The following AKR1C4 variants were observed in gnomAD, a reference collection of about 807,000 sequenced individuals.
The protein encoded by AKR1C4 is aldo-keto reductase family 1 member C4.
Under a neutral mutation model 41.0 loss-of-function variants are expected in AKR1C4, and 44 were observed. That is an observed-to-expected ratio of 1.07 (90% CI 0.84 to 1.38). The LOEUF is 1.38. Among genes scored for constraint, AKR1C4 ranks in the 40% most tolerant of loss-of-function variants. The pLI, the probability that AKR1C4 is intolerant of heterozygous loss-of-function variation, is 0.00. For missense variants in AKR1C4, 438 were observed against 387.9 expected, an observed-to-expected ratio of 1.13 and a Z score of -1.09; for synonymous variants, 165 against 137.7, an observed-to-expected ratio of 1.20 and a Z score of -1.39.
intron 8 of AKR1C4, among the ~76,000 whole-genome samples, chr10:5,218,508 G>A (rs928018488): frequency 6.7e-6 from 1 of 148,552 alleles, no homozygotes; most frequent in Non-Finnish European, 1.5e-5. Context: ...TAAATTCCAG[G>A]CAAGGGAATA....
Position 5,208,908 on chromosome 10 carries a change from C to CAA in AKR1C4, c.570+2520_570+2521dup, listed in dbSNP as rs35154936. 3.5e-3 allele frequency among the ~76,000 whole-genome samples: 518 copies of CAA among 147,830 alleles called. 26 individuals are homozygous for CAA. Among genetic ancestry groups the CAA allele is most frequent in the African/African-American group, 0.01 (410 of 39,246 alleles). The stretch of plus-strand genomic sequence containing the variant: ...AAAAGATGTATCATGAAAACAAAAA[C>CAA]AAAAAAAAAACATCCAATTGTGACT... On this transcript the variant is annotated intron_variant, in intron 5 of 8. Transcript: ENST00000263126.
At chr10:5,204,302 A>G in intron 2 of AKR1C4, 75 bp from the exon 3 acceptor site, 2 of 1,171,766 alleles carry the variant, frequency 1.7e-6, no homozygotes, top group South Asian at 2.7e-5. Flanking sequence ...AAAAATGTCT[A>G]AATATTAGGT....
chr10:5,217,113 A>G (rs782556323), intron 8 of AKR1C4, among the ~76,000 whole-genome samples: 1 of 152,254 alleles, frequency 6.6e-6, no homozygotes, highest in Non-Finnish European at 1.5e-5. Flanking sequence ...TGGACAGTAG[A>G]TATTGCCCAT....
In AKR1C4 at chr10:5,213,957, A is replaced by G. The variant is rs538965367; in HGVS notation, c.846+798A>G. Among the ~76,000 whole-genome samples, 16 of 152,006 alleles carry G rather than the reference A, an allele frequency of 1.1e-4. 1 individual carries two copies. Among genetic ancestry groups the G allele is most frequent in the South Asian group, 8.3e-4 (4 of 4,800 alleles). Reference sequence around the variant, plus strand: ...TTAATGTAGTCAAATTCTTTATGACATTTTCTCGTGGTTGCTAATATCATG... The same window carrying G: ...TTAATGTAGTCAAATTCTTTATGACGTTTTCTCGTGGTTGCTAATATCATG... On this transcript the variant is annotated intron_variant, in intron 7 of 8. Transcript: ENST00000263126.
rs531429923 is a variant in AKR1C4, at chr10:5,214,802, T to A, written c.846+1643T>A. Among the ~76,000 whole-genome samples, 68 of 152,306 alleles carry A rather than the reference T, an allele frequency of 4.5e-4. 1 individual carries two copies. Among genetic ancestry groups the A allele is most frequent in the African/African-American group, 1.6e-3 (67 of 41,580 alleles). On this transcript the variant is annotated intron_variant, in intron 7 of 8. Coordinates refer to ENST00000263126, the MANE Select transcript of AKR1C4 (RefSeq NM_001818.5). ...TATTCTTTTCCTCTCATTCTCTGTA[T>A]CATTAGAGTATTCCATTAAAATTTA... is the stretch of plus-strand genomic sequence containing the variant.
At chr10:5,212,519 C>A in intron 5 of AKR1C4, 97 bp from the exon 6 acceptor site, 1 of 1,118,966 alleles carries the variant, frequency 8.9e-7, no homozygotes, top group South Asian at 1.9e-5. Context: ...ATATTCTGTT[C>A]AAATTTAATG....
At chr10:5,201,678 C>A (rs1832402112) in intron 2 of AKR1C4, among the ~76,000 whole-genome samples, 1 of 152,110 alleles carries the variant, frequency 6.6e-6, no homozygotes, top group African/African-American at 2.4e-5. Flanking sequence ...TTGGCTGAGG[C>A]CAATGTACAG....
At chr10:5,206,898 C>A (rs1168658070) in intron 5 of AKR1C4, among the ~76,000 whole-genome samples, 1 of 152,082 alleles carries the variant, frequency 6.6e-6, no homozygotes, top group Non-Finnish European at 1.5e-5. Context: ...AGTTCTTGAG[C>A]AGGTACTAAA....
rs782331883 is a variant in AKR1C4 at position 5,210,067 on chromosome 10, C to T, written c.571-2549C>T. On this transcript the variant is annotated intron_variant, in intron 5 of 8. Coordinates refer to ENST00000263126, the MANE Select transcript of AKR1C4 (RefSeq NM_001818.5). Reference sequence around the variant, plus strand: ...GTTAGTTACTTCCAGGATACAATGGCGGTACAGGCATTGGGCAAATACAGC... The same window carrying T: ...GTTAGTTACTTCCAGGATACAATGGTGGTACAGGCATTGGGCAAATACAGC... Among the ~76,000 whole-genome samples, 13 of 152,264 alleles carry T rather than the reference C, an allele frequency of 8.5e-5. No homozygotes were observed. In the East Asian group the frequency reaches 1.9e-3, roughly 23 times the overall value.
Position 5,200,213 on chromosome 10 carries a change from A to C in AKR1C4, c.117A>C (p.Lys39Asn). The C allele has an allele frequency of 6.2e-7, 1 of 1,614,112 alleles. No homozygotes were observed. ...GGAACAGAGCTGTAGAGGTCACCAA[A>C]TTAGCAATAGAAGCTGGCTTCCGCC... ...VPRNRAVEVT[K>N]LAIEAGFRHI... The change falls in exon 2 of 9, where the codon AAA becomes AAC. Residue 39 changes from lysine (K) to asparagine (N), a missense_variant. By Grantham distance (94) the Lys-to-Asn change is moderately conservative. Transcript: ENST00000263126.
intron 7 of AKR1C4, 36 bp downstream of exon 7, chr10:5,213,195 G>A (rs1390194402): frequency 6.2e-7 from 1 of 1,608,972 alleles, no homozygotes; most frequent in African/African-American, 1.3e-5. Context: ...CTCCTGCACA[G>A]TGTCCTTCAC....
In AKR1C4 at chr10:5,213,078, T is replaced by A. The variant is rs1832602778; in HGVS notation, c.765T>A (p.Ile255=). 1 of 1,614,048 alleles carries A rather than the reference T, an allele frequency of 6.2e-7. No homozygotes were observed. Among genetic ancestry groups the A allele is most frequent in the African/African-American group, 1.3e-5 (1 of 74,928 alleles). Residue 255 remains isoleucine, a synonymous_variant, in exon 7 of 9, where the codon ATT becomes ATA. Coordinates refer to ENST00000263126, the MANE Select transcript of AKR1C4 (RefSeq NM_001818.5). ...AKKHKQTPAL[I]ALRYQLQRGV... is the part of the protein sequence containing the mutation. The stretch of plus-strand genomic sequence containing the variant: ...AACACAAACAAACCCCAGCCCTGAT[T>A]GCCCTGCGCTACCAGCTGCAGCGTG...
At chr10:5,218,176 A>G (rs1269041774) in intron 8 of AKR1C4, among the ~76,000 whole-genome samples, 3 of 152,226 alleles carry the variant, frequency 2.0e-5, no homozygotes, top group Admixed American at 2.0e-4. Flanking sequence ...AGCATATTGT[A>G]GGGTTTTGAA....
intron 1 of AKR1C4, among the ~76,000 whole-genome samples, 179 bp from the exon 2 acceptor site, chr10:5,200,002 G>A (rs1430520114): frequency 4.6e-5 from 7 of 152,124 alleles, no homozygotes; most frequent in Non-Finnish European, 7.4e-5. Flanking sequence ...CACTGTCAAC[G>A]GGTCATAGTC....
intron 5 of AKR1C4, among the ~76,000 whole-genome samples, chr10:5,209,514 G>C (rs1276574125): frequency 1.3e-5 from 2 of 152,016 alleles, no homozygotes; most frequent in Non-Finnish European, 2.9e-5. Context: ...AAAAATTACT[G>C]TAATAATCAC....
At position 5,204,265 on chromosome 10, in the gene AKR1C4, G is replaced by T. The variant is rs1211636338; in HGVS notation, c.253-112G>T. On this transcript the variant is annotated intron_variant, in intron 2 of 8. Coordinates refer to ENST00000263126, the MANE Select transcript of AKR1C4 (RefSeq NM_001818.5). Reference sequence around the variant, plus strand: ...TCAAAATAAAACAAAGGGAATTTTTGCCAGAGGTCATCTGTTTGGAACGGT... The same window carrying T: ...TCAAAATAAAACAAAGGGAATTTTTTCCAGAGGTCATCTGTTTGGAACGGT... 1.3e-5 allele frequency: 10 copies of T among 782,986 alleles called. No homozygotes were observed. In the Admixed American group the frequency reaches 1.4e-4, roughly 11 times the overall value. The allele number at this position is 782,986 out of a possible 1,614,324, so 48.5% of individuals were successfully genotyped here. A position where few individuals can be genotyped will look rare whatever the true frequency, so the allele number is the denominator to read the frequency against.
chr10:5,212,574 G>GT lies in AKR1C4; in HGVS notation c.571-38dup, dbSNP rs782382260. On this transcript the variant is annotated intron_variant, in intron 5 of 8. Transcript: ENST00000263126. ...TTTTAATCTTTATATTAACATATCT[G>GT]TTTTGAATTATCTGATGCTTTTCTC... 4.6e-6 allele frequency: 7 copies of GT among 1,531,630 alleles called. No individual in the cohort carries two copies. The African/African-American group carries it at 8.3e-5, about 18-fold the overall frequency. The allele number at this position is 1,531,630 out of a possible 1,614,324, so 94.9% of individuals were successfully genotyped here.
chr10:5,207,652 A>AC, intron 5 of AKR1C4: 2 of 1,133,674 alleles, frequency 1.8e-6, no homozygotes, highest in Non-Finnish European at 2.5e-6. Context: ...TTTGCAGCCT[A>AC]CCTGTGCAAT....
intron 2 of AKR1C4, 102 bp from the exon 3 acceptor site, chr10:5,204,275 A>T (rs1211381476): frequency 1.2e-5 from 11 of 883,484 alleles, no homozygotes; most frequent in Non-Finnish European, 1.8e-5. Flanking sequence ...GCCAGAGGTC[A>T]TCTGTTTGGA....
Sources: allele counts gnomAD v4.1 joint callset (sites outside exome capture counted in the v4.1 genomes callset), GRCh38; gene constraint gnomAD v4.1.1; transcripts MANE v1.5; gene names NCBI Gene and HGNC (gene_info 2026-07-23, HGNC 2026-07-21).